COPB2: variants seen among roughly 807,000 people sequenced by gnomAD.
The protein encoded by COPB2 is coat protein complex I subunit beta 2, also known as coatomer subunit beta'.
A neutral mutation model predicts 120.8 loss-of-function variants in COPB2; 16 were observed. The observed-to-expected ratio is 0.13, with a 90% CI of 0.09 to 0.20. The LOEUF is 0.20. Among genes scored for constraint, COPB2 ranks in the 10% least tolerant of loss-of-function variants. COPB2 has a pLI of 1.00. For missense variants in COPB2, 794 were observed against 1,076.5 expected, an observed-to-expected ratio of 0.74 and a Z score of 3.67; for synonymous variants, 332 against 366.3, an observed-to-expected ratio of 0.91 and a Z score of 1.07.
intron 6 of COPB2, among the ~76,000 whole-genome samples, chr3:139,375,022 C>T (rs775373790): frequency 1.7e-4 from 26 of 152,172 alleles, no homozygotes; most frequent in South Asian, 4.2e-4. Context: ...TTATTAATTG[C>T]TTATGGGAAC....
At chr3:139,359,909 T>C (rs920229921) in intron 17 of COPB2, among the ~76,000 whole-genome samples, 1 of 152,112 alleles carries the variant, frequency 6.6e-6, no homozygotes, top group Non-Finnish European at 1.5e-5. Context: ...CCTTACATCC[T>C]CAGCATGAAA....
chr3:139,378,481 T>C (rs906027697), intron 4 of COPB2, among the ~76,000 whole-genome samples: 1 of 152,170 alleles, frequency 6.6e-6, no homozygotes, highest in Non-Finnish European at 1.5e-5. Flanking sequence ...CAAAGAGTAA[T>C]ATAAGTTTGA....
intron 4 of COPB2, 51 bp downstream of exon 4, chr3:139,378,995 GA>G: frequency 6.6e-7 from 1 of 1,511,074 alleles, no homozygotes; most frequent in Non-Finnish European, 8.9e-7. Flanking sequence ...CTCAGTGAAT[GA>G]AAATGAATTA....
rs772764776 is a variant in COPB2, at chr3:139,358,792, G to A, written c.2505C>T (p.Val835=). ...GCTGAAAGTCTTTTCCCTCTTCCAT[G>A]ACATTTCTCTCTTCATTTGGCTATC... The part of the protein sequence containing the change: ...PLVTPNEERN[V]MEEGKDFQPS... Residue 835 remains valine, a synonymous_variant, in exon 20 of 22, where the codon GTC becomes GTT. Coordinates refer to ENST00000333188, the MANE Select transcript of COPB2 (RefSeq NM_004766.3). The A allele has an allele frequency of 4.3e-6, 7 of 1,612,598 alleles. No individual in the cohort carries two copies. Among genetic ancestry groups the A allele is most frequent in the Admixed American group, 3.3e-5 (2 of 60,018 alleles).
chr3:139,362,512 GA>G lies in COPB2; in HGVS notation c.1889del (p.Phe630SerfsTer25). On this transcript the variant is annotated frameshift_variant, in exon 16 of 22. Transcript: ENST00000333188. LOFTEE classifies it high-confidence loss of function. ...TGGATACTGTAAGAGCTTGCTGCTT[GA>G]AGCCCTAAACAGATTTTTAAAAATT... ...RVAHFLEKQG[F>X]KQQALTVSTD... 6.2e-7 allele frequency: 1 copy of G among 1,601,208 alleles called. No individual in the cohort carries two copies. The highest frequency in any genetic ancestry group is 1.1e-5 in the South Asian group (1 of 87,990).
chr3:139,379,488 C>G, intron 2 of COPB2, 22 bp from the exon 3 acceptor site: 1 of 1,592,600 alleles, frequency 6.3e-7, no homozygotes, highest in Non-Finnish European at 8.6e-7. Context: ...AACAAGAATA[C>G]ACAAATTGAG....
chr3:139,378,092 G>T lies in COPB2; in HGVS notation c.453C>A (p.Asn151Lys). Residue 151 changes from asparagine (N) to lysine (K), a missense_variant, in exon 5 of 22, where the codon AAC becomes AAA. Asn to Lys is a moderately conservative substitution (Grantham distance 94). Transcript: ENST00000333188. ...TGGCAAACTGATTGTTATCTTTGGGGTTGATCACAATCTGCATAACATAAT... is the reference window on the plus strand; with the variant it reads ...TGGCAAACTGATTGTTATCTTTGGGTTTGATCACAATCTGCATAACATAAT... ...HTHYVMQIVI[N>K]PKDNNQFASA... 6.3e-7 allele frequency: 1 copy of T among 1,587,288 alleles called. No homozygotes were observed. The highest frequency in any genetic ancestry group is 2.2e-5 in the East Asian group (1 of 44,610).
rs143162367 is a variant in COPB2 at position 139,369,325 on chromosome 3, C to A, written c.1337G>T (p.Gly446Val). 2 of 1,613,716 alleles carry A rather than the reference C, an allele frequency of 1.2e-6. No homozygotes were observed. The highest frequency in any genetic ancestry group is 1.7e-5 in the Admixed American group (1 of 59,982). Residue 446 changes from glycine (G) to valine (V), a missense_variant, in exon 12 of 22, where the codon GGC becomes GTC. Physicochemically the swap from Gly to Val is moderately radical, Grantham distance 109. Transcript: ENST00000333188. ...GFLLGVRSVNGLAFYDWDNTE... is the reference protein window; with the variant it reads ...GFLLGVRSVNVLAFYDWDNTE... Reference sequence around the variant, plus strand: ...ATTGTCCCAGTCATAGAAGGCTAAGCCATTTACAGATCTGACTCCCAATAA... The same window carrying A: ...ATTGTCCCAGTCATAGAAGGCTAAGACATTTACAGATCTGACTCCCAATAA...
intron 9 of COPB2, 87 bp from the exon 10 acceptor site, chr3:139,371,920 G>A: frequency 1.1e-6 from 1 of 899,574 alleles, no homozygotes; most frequent in South Asian, 1.7e-5. Context: ...TATGGTAAAA[G>A]AATTCTAATA....
At position 139,369,379 on chromosome 3, in the gene COPB2, A is replaced by T. The variant is rs563310858; in HGVS notation, c.1295-12T>A. 3 of 1,610,462 alleles carry T rather than the reference A, an allele frequency of 1.9e-6. No homozygotes were observed. The highest frequency in any genetic ancestry group is 1.7e-5 in the Admixed American group (1 of 59,316). ...GCCGCCGTAGATACCTAAAGGGAAC[A>T]TAAAAAGAGTTTTGCTTAGGCATTT... On this transcript the variant is annotated splice_polypyrimidine_tract_variant and intron_variant, in intron 11 of 21. Transcript: ENST00000333188.
At chr3:139,383,262 T>C in intron 2 of COPB2, 36 bp downstream of exon 2, 1 of 1,602,424 alleles carries the variant, frequency 6.2e-7, no homozygotes, top group South Asian at 1.1e-5. Context: ...TCTCACATAG[T>C]ATTTTATTTC....
intron 5 of COPB2, among the ~76,000 whole-genome samples, chr3:139,376,950 C>T (rs544871759): frequency 2.0e-5 from 3 of 152,244 alleles, no homozygotes; most frequent in Admixed American, 6.5e-5. Context: ...GGGGTTTCAC[C>T]GTGTTAGCCA....
chr3:139,374,101 TCTCA>T (rs1250313530), intron 7 of COPB2: 9 of 449,434 alleles, frequency 2.0e-5, no homozygotes, highest in Non-Finnish European at 3.6e-5. Context: ...CACAATTTCT[TCTCA>T]CTATAATTTT....
At chr3:139,371,997 A>G (rs1330007069) in intron 9 of COPB2, among the ~76,000 whole-genome samples, 164 bp from the exon 10 acceptor site, 1 of 152,230 alleles carries the variant, frequency 6.6e-6, no homozygotes, top group African/African-American at 2.4e-5. Flanking sequence ...CTTTGAATAC[A>G]AAGTTACAAA....
rs1560012654 is a variant in COPB2 at position 139,361,149 on chromosome 3, C to G, written c.2142G>C (p.Lys714Asn). The G allele has an allele frequency of 6.2e-7, 1 of 1,614,248 alleles. No homozygotes were observed. The highest frequency in any genetic ancestry group is 1.1e-5 in the South Asian group (1 of 91,086). Reference protein sequence around the residue: ...TASGNANMVNKLAEGAERDGK... With the variant: ...TASGNANMVNNLAEGAERDGK... ...CATCTCTCTCCGCACCCTCTGCTAGCTTGTTCACCATATTAGCATTTCCAG... is the reference window on the plus strand; with the variant it reads ...CATCTCTCTCCGCACCCTCTGCTAGGTTGTTCACCATATTAGCATTTCCAG... The change falls in exon 17 of 22, where the codon AAG becomes AAC. Residue 714 changes from lysine (K) to asparagine (N), a missense_variant. Physicochemically the swap from Lys to Asn is moderately conservative, Grantham distance 94. Transcript: ENST00000333188.
Position 139,369,355 on chromosome 3 carries a change from C to T in COPB2, c.1307G>A (p.Gly436Asp). ...TACAGATCTGACTCCCAATAAGAAGCCGCCGTAGATACCTAAAGGGAACAT... is the reference window on the plus strand; with the variant it reads ...TACAGATCTGACTCCCAATAAGAAGTCGCCGTAGATACCTAAAGGGAACAT... ...PDFGAESIYGGFLLGVRSVNG... is the reference protein window; with the variant it reads ...PDFGAESIYGDFLLGVRSVNG... The change falls in exon 12 of 22, where the codon GGC becomes GAC. Residue 436 changes from glycine to aspartate, a missense_variant. Coordinates refer to ENST00000333188, the MANE Select transcript of COPB2 (RefSeq NM_004766.3). 6.2e-7 allele frequency: 1 copy of T among 1,613,304 alleles called. No homozygotes were observed. The highest frequency in any genetic ancestry group is 8.5e-7 in the Non-Finnish European group (1 of 1,179,594).
intron 2 of COPB2, chr3:139,380,003 C>CTTTTTTTTTTTTTTTTTTTTTT (rs869062825): frequency 5.9e-5 from 6 of 101,354 alleles, no homozygotes; most frequent in African/African-American, 1.2e-4. Flanking sequence ...TTTTTCTTTT[C>CTTTTTTTTTTTTTTTTTTTTTT]TTTTTTTTTT....
Position 139,375,556 on chromosome 3 carries a change from A to C in COPB2, c.563T>G (p.Val188Gly), listed in dbSNP as rs1317548138. 1 of 1,614,168 alleles carries C rather than the reference A, an allele frequency of 6.2e-7. No individual in the cohort carries two copies. Among genetic ancestry groups the C allele is most frequent in the Admixed American group, 1.7e-5 (1 of 60,024 alleles). Reference sequence around the variant, plus strand: ...ACCACTGTAGTAATCAATGCAATTCACGCCTTTCTCATGTCCTTCCAAAGT... The same window carrying C: ...ACCACTGTAGTAATCAATGCAATTCCCGCCTTTCTCATGTCCTTCCAAAGT... ...NFTLEGHEKG[V>G]NCIDYYSGGD... is the part of the protein sequence containing the mutation. Residue 188 changes from valine (V) to glycine (G), a missense_variant, in exon 6 of 22, where the codon GTG becomes GGG. This residue lies in a region of COPB2 where 610 missense variants were observed against 866.7 expected (regional missense o/e 0.70). Transcript: ENST00000333188.
chr3:139,361,814 C>A (rs1475229303), intron 16 of COPB2, among the ~76,000 whole-genome samples: 6 of 152,150 alleles, frequency 3.9e-5, no homozygotes, highest in Admixed American at 3.9e-4. Flanking sequence ...CAATTGGGAG[C>A]CTCAATATAC....
Sources: allele counts gnomAD v4.1 joint callset (sites outside exome capture counted in the v4.1 genomes callset), GRCh38; gene constraint gnomAD v4.1.1; regional missense constraint gnomAD v4.1.1; transcripts MANE v1.5; gene names NCBI Gene and HGNC (gene_info 2026-07-23, HGNC 2026-07-21).